C8A: variants seen among roughly 807,000 people sequenced by gnomAD.
C8A encodes complement C8 alpha chain.
In C8A, 67 loss-of-function variants were observed where a neutral mutation model predicts 65.3. The ratio of observed to expected loss-of-function variants is 1.03; its 90% confidence interval spans 0.84 to 1.26. C8A has a LOEUF of 1.26. Among genes scored for constraint, C8A ranks in the 50% most tolerant of loss-of-function variants. The probability of loss-of-function intolerance (pLI) is 0.00; values close to 1 mark genes in which losing one functional copy is unlikely to be tolerated. For synonymous variants in C8A, 290 were observed against 259.4 expected (o/e 1.12, Z -1.13); for missense variants, 781 against 723.9 (o/e 1.08, Z -0.90).
At chr1:56,866,677 C>T (rs1644091376) in intron 1 of C8A, among the ~76,000 whole-genome samples, 2 of 152,232 alleles carry the variant, frequency 1.3e-5, no homozygotes, top group African/African-American at 2.4e-5. Context: ...ACAGTGTTCC[C>T]ACTTTCCCAG....
chr1:56,910,674 G>T (rs1774901), intron 9 of C8A, among the ~76,000 whole-genome samples: 15,569 of 152,202 alleles, frequency 0.1, 1,231 homozygotes, highest in African/African-American at 0.22. Context: ...TCTCCCCTTG[G>T]CTGGGGACCC....
At chr1:56,876,996 T>G (rs1418279979) in intron 4 of C8A, among the ~76,000 whole-genome samples, 2 of 152,110 alleles carry the variant, frequency 1.3e-5, no homozygotes, top group African/African-American at 4.8e-5. Flanking sequence ...GTAATTAAGG[T>G]TAAATGAGGT....
chr1:56,892,422 C>T (rs986807016), intron 7 of C8A, among the ~76,000 whole-genome samples: 3 of 152,080 alleles, frequency 2.0e-5, no homozygotes, highest in African/African-American at 7.2e-5. Context: ...AGTCATATCA[C>T]TAGTAAATGA....
At position 56,902,707 on chromosome 1, in the gene C8A, TATTCA is replaced by T. The variant is rs1644435873; in HGVS notation, c.1097-3959_1097-3955del. Among the ~76,000 whole-genome samples, 4 of 152,300 alleles carry T rather than the reference TATTCA, an allele frequency of 2.6e-5. No homozygotes were observed. The East Asian group carries it at 7.7e-4, about 29-fold the overall frequency. ...TACCCTTTGATTCTATATATCTGACTATTCATATATCTAATATAAGTGGAATCAGG... is the reference window on the plus strand; with the variant it reads ...TACCCTTTGATTCTATATATCTGACTTATATCTAATATAAGTGGAATCAGG... On this transcript the variant is annotated intron_variant, in intron 7 of 10. Transcript: ENST00000361249.
intron 1 of C8A, among the ~76,000 whole-genome samples, chr1:56,859,332 T>C (rs1324968102): frequency 6.6e-6 from 1 of 152,232 alleles, no homozygotes; most frequent in African/African-American, 2.4e-5. Context: ...GGTACAATGG[T>C]GAGCAATACA....
chr1:56,855,109 C>T, intron 1 of C8A, 131 bp downstream of exon 1: 1 of 769,980 alleles, frequency 1.3e-6, no homozygotes, highest in Non-Finnish European at 2.3e-6. Context: ...ATTACTACTC[C>T]TGTGGAGGAG....
At position 56,917,640 on chromosome 1, in the gene C8A, G is replaced by A; in HGVS notation, c.1679G>A (p.Arg560Lys). 1 of 1,614,232 alleles carries A rather than the reference G, an allele frequency of 6.2e-7. No homozygotes were observed. ...AGAGCAGGCATCCAGGAAAGGAGAA[G>A]AGAGTGTGACAATCCAGCACCTCAG... Reference protein sequence around the residue: ...VCRAGIQERRRECDNPAPQNG... With the variant: ...VCRAGIQERRKECDNPAPQNG... Residue 560 changes from arginine (R) to lysine (K), a missense_variant, in exon 11 of 11, where the codon AGA becomes AAA. Physicochemically the swap from Arg to Lys is conservative, Grantham distance 26. Coordinates refer to ENST00000361249, the MANE Select transcript of C8A (RefSeq NM_000562.3).
chr1:56,891,017 A>G (rs946104421), intron 7 of C8A, among the ~76,000 whole-genome samples: 2 of 152,192 alleles, frequency 1.3e-5, no homozygotes, highest in African/African-American at 4.8e-5. Context: ...TAACTTGTGA[A>G]TTAATTGATC....
At chr1:56,908,474 C>A (rs2101301634) in intron 9 of C8A, among the ~76,000 whole-genome samples, 1 of 152,338 alleles carries the variant, frequency 6.6e-6, no homozygotes, top group East Asian at 1.9e-4. Context: ...TGTAAAAGGT[C>A]AGATAGTAAA....
chr1:56,873,801 G>C (rs907359332), intron 2 of C8A, among the ~76,000 whole-genome samples: 1 of 152,142 alleles, frequency 6.6e-6, no homozygotes, highest in Middle Eastern at 3.2e-3. Flanking sequence ...TGCACTGCAT[G>C]TTTTGTATTA....
chr1:56,865,436 G>C lies in C8A; in HGVS notation c.78-2173G>C, dbSNP rs1281062416. Among the ~76,000 whole-genome samples the C allele has an allele frequency of 3.3e-5, 5 of 152,198 alleles. No individual in the cohort carries two copies. In the East Asian group the frequency reaches 9.6e-4, roughly 29 times the overall value. ...GGTGGAAGGGATGTGGGAGGTCCCT[G>C]TGATCTCTTTAATGAGGGCACTAAT... is the stretch of plus-strand genomic sequence containing the variant. On this transcript the variant is annotated intron_variant, in intron 1 of 10. Coordinates refer to ENST00000361249, the MANE Select transcript of C8A (RefSeq NM_000562.3).
chr1:56,864,410 G>A (rs561810130), intron 1 of C8A, among the ~76,000 whole-genome samples: 1 of 152,042 alleles, frequency 6.6e-6, no homozygotes, highest in African/African-American at 2.4e-5. Context: ...TGAAAGGGAG[G>A]AAGCTTAGAT....
intron 5 of C8A, among the ~76,000 whole-genome samples, chr1:56,882,825 G>A (rs1644258777): frequency 6.6e-6 from 1 of 152,144 alleles, no homozygotes; most frequent in Admixed American, 6.5e-5. Flanking sequence ...ACAATACCTT[G>A]CTTATGCTAT....
At chr1:56,915,966 C>T (rs1263980139) in intron 10 of C8A, among the ~76,000 whole-genome samples, 2 of 152,136 alleles carry the variant, frequency 1.3e-5, no homozygotes, top group Non-Finnish European at 2.9e-5. Context: ...TGAGCCTTGC[C>T]AGAGTAATTT....
At chr1:56,889,424 C>T (rs1644327291) in intron 7 of C8A, among the ~76,000 whole-genome samples, 1 of 152,100 alleles carries the variant, frequency 6.6e-6, no homozygotes, top group South Asian at 2.1e-4. Context: ...GAAGTTTTTG[C>T]CATTAAAAAC....
chr1:56,914,057 G>A (rs1644531486), intron 10 of C8A, among the ~76,000 whole-genome samples: 1 of 151,860 alleles, frequency 6.6e-6, no homozygotes, highest in Admixed American at 6.6e-5. Flanking sequence ...GCAATCCAGA[G>A]AAGTGGGAAG....
At chr1:56,890,965 T>C (rs542560319) in intron 7 of C8A, among the ~76,000 whole-genome samples, 2 of 152,332 alleles carry the variant, frequency 1.3e-5, no homozygotes, top group African/African-American at 4.8e-5. Context: ...CATTTTTGTT[T>C]ATTACTGCAT....
intron 2 of C8A, among the ~76,000 whole-genome samples, chr1:56,869,368 G>C (rs944575003): frequency 1.3e-5 from 2 of 152,158 alleles, no homozygotes; most frequent in African/African-American, 4.8e-5. Flanking sequence ...TTTTATGGTT[G>C]AGTAGTATTC....
chr1:56,910,323 TG>T (rs1644495781), intron 9 of C8A, among the ~76,000 whole-genome samples: 1 of 152,248 alleles, frequency 6.6e-6, no homozygotes. Flanking sequence ...ATTTGACCTC[TG>T]AGTCTTTTTT....
Sources: gnomAD v4.1 joint callset for allele counts (sites outside exome capture counted in the v4.1 genomes callset) on GRCh38, gnomAD v4.1.1 for gene constraint, MANE v1.5 for transcripts, NCBI Gene and HGNC (gene_info 2026-07-23, HGNC 2026-07-21) for gene names.